The following KLRG1 variants were observed in gnomAD, a reference collection of about 807,000 sequenced individuals.
The protein encoded by KLRG1 is killer cell lectin like receptor G1, also known as killer cell lectin-like receptor subfamily G member 1.
In KLRG1, 16 loss-of-function variants were observed where a neutral mutation model predicts 21.8. That is an observed-to-expected ratio of 0.73 (90% CI 0.50 to 1.11). The LOEUF (loss-of-function observed/expected upper bound fraction) is 1.11. KLRG1 is among the 50% of genes most tolerant of loss of function. The pLI, the probability that KLRG1 is intolerant of heterozygous loss-of-function variation, is 0.00. For synonymous variants in KLRG1, 69 were observed against 75.9 expected (o/e 0.91, Z 0.47); for missense variants, 173 against 218.3 (o/e 0.79, Z 1.31).
At chr12:9,077,242 A>C in the KLRG1 span, 1 of 1,130,660 alleles carries the variant, frequency 8.8e-7, no homozygotes. Flanking sequence ...GCATAGAAAG[A>C]AAGCTGATGC....
chr12:9,004,475 T>G (rs1357078361), intron 3 of KLRG1, among the ~76,000 whole-genome samples: 1 of 152,192 alleles, frequency 6.6e-6, no homozygotes, highest in Admixed American at 6.5e-5. Context: ...TTAAACATAA[T>G]TTTTTAAAAA....
At chr12:9,018,722 G>T in the KLRG1 span, among the ~76,000 whole-genome samples, 1 of 146,772 alleles carries the variant, frequency 6.8e-6, no homozygotes, top group Admixed American at 6.8e-5. Context: ...AGGAAGGAAG[G>T]AAGGAAAGAA....
At chr12:9,145,183 A>G in the KLRG1 span, among the ~76,000 whole-genome samples, 7 of 152,124 alleles carry the variant, frequency 4.6e-5, no homozygotes, top group Non-Finnish European at 8.8e-5. Flanking sequence ...GTAATTGTTG[A>G]TAGGGGAAGA....
chr12:9,210,110 A>C, the KLRG1 span, among the ~76,000 whole-genome samples: 2 of 152,142 alleles, frequency 1.3e-5, no homozygotes, highest in African/African-American at 4.8e-5. Context: ...ATGTATGTAC[A>C]TCTTGAAATC....
At chr12:9,127,790 C>T in the KLRG1 span, 129 of 198,496 alleles carry the variant, frequency 6.5e-4, 1 homozygote, top group Non-Finnish European at 1.2e-3. Flanking sequence ...CCACTTGGTT[C>T]CTACCTGGAC....
chr12:9,145,504 G>T, the KLRG1 span, among the ~76,000 whole-genome samples: 1 of 152,002 alleles, frequency 6.6e-6, no homozygotes. Context: ...TCTATTTTAT[G>T]TTTTAAAACA....
At chr12:9,214,475 G>A in the KLRG1 span, among the ~76,000 whole-genome samples, 1 of 151,922 alleles carries the variant, frequency 6.6e-6, no homozygotes, top group Non-Finnish European at 1.5e-5. Flanking sequence ...GAGCATGGAG[G>A]TATTTTAGAG....
chr12:8,980,574 G>A (rs1239483508), intron 1 of KLRG1, among the ~76,000 whole-genome samples: 1 of 152,232 alleles, frequency 6.6e-6, no homozygotes, highest in Non-Finnish European at 1.5e-5. Flanking sequence ...GTCAGCATGG[G>A]ACTGGAGACT....
At chr12:9,162,529 A>C in the KLRG1 span, 1 of 1,071,330 alleles carries the variant, frequency 9.3e-7, no homozygotes, top group Non-Finnish European at 1.4e-6. Context: ...ATGAATGTGC[A>C]TTGTAACTTG....
chr12:9,195,651 AC>A, the KLRG1 span, among the ~76,000 whole-genome samples: 1 of 113,732 alleles, frequency 8.8e-6, no homozygotes, highest in Non-Finnish European at 1.7e-5. Flanking sequence ...GTAGAGTCTT[AC>A]TATGTTACTA....
At chr12:9,179,138 TC>T in the KLRG1 span, among the ~76,000 whole-genome samples, 1 of 152,186 alleles carries the variant, frequency 6.6e-6, no homozygotes, top group Non-Finnish European at 1.5e-5. Context: ...GTTAAAAAGT[TC>T]CAAACACGAG....
chr12:8,959,067 A>G (rs1306549915), intron 1 of KLRG1, among the ~76,000 whole-genome samples: 1 of 152,158 alleles, frequency 6.6e-6, no homozygotes, highest in African/African-American at 2.4e-5. Flanking sequence ...TGTCCATTCT[A>G]ATGTGGGGGC....
intron 3 of KLRG1, chr12:8,996,412 T>G (rs1236628956): frequency 3.9e-5 from 6 of 152,226 alleles, no homozygotes; most frequent in Non-Finnish European, 8.8e-5. Context: ...ATTTTTGTGT[T>G]TTGCTATTGT....
At chr12:9,188,000 A>T in the KLRG1 span, among the ~76,000 whole-genome samples, 33 of 152,098 alleles carry the variant, frequency 2.2e-4, no homozygotes, top group Non-Finnish European at 4.4e-4. Flanking sequence ...TGCCCCCATG[A>T]GGAGAAGTGG....
chr12:9,017,497 G>A, the KLRG1 span, among the ~76,000 whole-genome samples: 2 of 152,026 alleles, frequency 1.3e-5, no homozygotes, highest in African/African-American at 4.8e-5. Flanking sequence ...CATATCAACA[G>A]AATGAAGAAC....
the KLRG1 span, among the ~76,000 whole-genome samples, chr12:9,185,183 A>G: frequency 3.9e-5 from 6 of 152,232 alleles, no homozygotes; most frequent in African/African-American, 1.4e-4. Context: ...TAAGAATCAC[A>G]ATAAAATGAT....
At chr12:9,194,690 G>A in the KLRG1 span, among the ~76,000 whole-genome samples, 1 of 151,852 alleles carries the variant, frequency 6.6e-6, no homozygotes, top group Non-Finnish European at 1.5e-5. Flanking sequence ...GGTCTCGATC[G>A]CCTGACCTCG....
intron 1 of KLRG1, among the ~76,000 whole-genome samples, chr12:8,983,359 A>G (rs765841283): frequency 3.0e-5 from 4 of 133,188 alleles, no homozygotes; most frequent in African/African-American, 1.1e-4. Context: ...CTTTTTCTGG[A>G]TATAGAATTC....
the KLRG1 span, chr12:9,192,628 G>C: frequency 6.2e-7 from 1 of 1,614,124 alleles, no homozygotes; most frequent in Non-Finnish European, 8.5e-7. Context: ...GGCTCCAGGT[G>C]AATGTAACTT....
Sources: gnomAD v4.1 joint callset for allele counts (sites outside exome capture counted in the v4.1 genomes callset) on GRCh38, gnomAD v4.1.1 for gene constraint, MANE v1.5 for transcripts, NCBI Gene and HGNC (gene_info 2026-07-23, HGNC 2026-07-21) for gene names.